The following ELK4 variants were observed in gnomAD, a reference collection of about 807,000 sequenced individuals.
ELK4 encodes the protein ETS transcription factor ELK4.
In ELK4, 16 loss-of-function variants were observed where a neutral mutation model predicts 29.6. That is an observed-to-expected ratio of 0.54 (90% CI 0.37 to 0.82). The LOEUF is 0.82. Ranked by LOEUF, ELK4 falls within the 40% of genes least tolerant of loss-of-function variation. The pLI, the probability that ELK4 is intolerant of heterozygous loss-of-function variation, is 0.00. For missense variants in ELK4, 465 were observed against 507.1 expected (o/e 0.92, Z 0.80); for synonymous variants, 213 against 191.1 (o/e 1.11, Z -0.95).
In ELK4 at chr1:205,613,080, A is replaced by G. The variant is rs1670177047; in HGVS notation, c.*3466T>C. 4.9e-6 allele frequency: 1 copy of G among 202,688 alleles called. No homozygotes were observed. The highest frequency in any genetic ancestry group is 2.3e-5 in the African/African-American group (1 of 43,670). The allele number at this position is 202,688 out of a possible 1,614,324, so 12.6% of individuals were successfully genotyped here. A position where few individuals can be genotyped will look rare whatever the true frequency, so the allele number is the denominator to read the frequency against. On this transcript the variant is annotated 3_prime_UTR_variant, in exon 5 of 5. Transcript: ENST00000357992. ...ATTGTTTGTGCATACATTTAAAAAA[A>G]AAAAAATCAATGGAAATTTCCACCT...
Position 205,620,522 on chromosome 1 carries a change from A to T in ELK4, c.524T>A (p.Leu175Gln). ...LIKTENPAEKLAEKKSPQEPT... is the reference protein window; with the variant it reads ...LIKTENPAEKQAEKKSPQEPT... ...CTCCTGAGGAGATTTTTTCTCTGCC[A>T]GTTTCTCGGCTGGATTCTCAGTCTT... Residue 175 changes from leucine to glutamine, a missense_variant, in exon 3 of 5, where the codon CTG (leucine) becomes CAG (glutamine). By Grantham distance (113) the Leu-to-Gln change is moderately radical. Transcript: ENST00000357992. 6.2e-7 allele frequency: 1 copy of T among 1,614,154 alleles called. No homozygotes were observed. The highest frequency in any genetic ancestry group is 8.5e-7 in the Non-Finnish European group (1 of 1,180,028).
At chr1:205,630,602 G>C (rs948835624) in intron 1 of ELK4, among the ~76,000 whole-genome samples, 1 of 152,064 alleles carries the variant, frequency 6.6e-6, no homozygotes, top group African/African-American at 2.4e-5. Flanking sequence ...AACTACACAG[G>C]CTCCTAAAAA....
chr1:205,609,556 G>A lies in ELK4; in HGVS notation c.*6990C>T, dbSNP rs1670123607. ...AATTTCACTAATACTGAACAGGGAAGTTCATAAAAATGCTACTCTACCACT... is the reference window on the plus strand; with the variant it reads ...AATTTCACTAATACTGAACAGGGAAATTCATAAAAATGCTACTCTACCACT... On this transcript the variant is annotated 3_prime_UTR_variant, in exon 5 of 5. Transcript: ENST00000357992. The A allele has an allele frequency of 1.5e-5, 3 of 196,034 alleles. No homozygotes were observed. Among genetic ancestry groups the A allele is most frequent in the East Asian group, 8.0e-5 (1 of 12,456 alleles). 12.1% of individuals were successfully genotyped at this position (196,034 alleles called of 1,614,324 possible).
chr1:205,626,130 G>T lies in ELK4; in HGVS notation c.-9-2239C>A. 4.0e-6 allele frequency: 3 copies of T among 747,598 alleles called. No homozygotes were observed. The South Asian group carries it at 4.0e-5, about 10-fold the overall frequency. 46.3% of individuals were successfully genotyped at this position (747,598 alleles called of 1,614,324 possible). On this transcript the variant is annotated intron_variant, in intron 1 of 4. Coordinates refer to ENST00000357992, the MANE Select transcript of ELK4 (RefSeq NM_001973.4). ...CTTCTTTCTCTACGTTGCCTACAGT[G>T]ACCAAAGTGTCTACAGTCTGTGATG...
intron 4 of ELK4, among the ~76,000 whole-genome samples, chr1:205,618,549 C>A (rs1040774316): frequency 1.3e-5 from 2 of 152,156 alleles, no homozygotes; most frequent in African/African-American, 4.8e-5. Flanking sequence ...TTGGGCAGGG[C>A]ACAATGGCTC....
rs1670221626 is a variant in ELK4, at chr1:205,615,699, G to A, written c.*847C>T. 1 of 208,834 alleles carries A rather than the reference G, an allele frequency of 4.8e-6. No individual in the cohort carries two copies. Among genetic ancestry groups the A allele is most frequent in the Non-Finnish European group, 9.7e-6 (1 of 102,696 alleles). 12.9% of individuals were successfully genotyped at this position (208,834 alleles called of 1,614,324 possible). On this transcript the variant is annotated 3_prime_UTR_variant, in exon 5 of 5. Transcript: ENST00000357992. The stretch of plus-strand genomic sequence containing the variant: ...AAAATCCAAGTTCATCCTCCTAAAA[G>A]TGATCATTTCCCATGCTGTATTCCA...
chr1:205,630,491 G>A (rs1437186345), intron 1 of ELK4, among the ~76,000 whole-genome samples: 1 of 152,142 alleles, frequency 6.6e-6, no homozygotes, highest in Non-Finnish European at 1.5e-5. Context: ...ATTTTCTTCA[G>A]CCTGCTACTT....
At chr1:205,620,889 C>T (rs779605196) in intron 2 of ELK4, 51 bp from the exon 3 acceptor site, 2 of 1,515,148 alleles carry the variant, frequency 1.3e-6, no homozygotes, top group South Asian at 2.6e-5. Flanking sequence ...AACTTATATC[C>T]CATAGTTCAT....
In ELK4 at chr1:205,626,627, T is replaced by A. The variant is rs1670469885; in HGVS notation, c.-9-2736A>T. ...TAGGGAACTAAAAATCAAAACCATC[T>A]GAGAAACCACTTCATGCCTACTTGG... On this transcript the variant is annotated intron_variant, in intron 1 of 4. Transcript: ENST00000357992. 8.5e-5 allele frequency among the ~76,000 whole-genome samples: 13 copies of A among 152,206 alleles called. No individual in the cohort carries two copies. The South Asian group carries it at 2.3e-3, about 27-fold the overall frequency.
intron 3 of ELK4, 97 bp downstream of exon 3, chr1:205,619,869 G>C: frequency 6.2e-7 from 1 of 1,613,602 alleles, no homozygotes; most frequent in Non-Finnish European, 8.5e-7. Context: ...ACAAACCTAA[G>C]TAACAGAAAG....
chr1:205,613,208 T>C lies in ELK4; in HGVS notation c.*3338A>G, dbSNP rs923777171. ...TTACTAAGCCAGGTGTGGTGGTGCA[T>C]GCCTGTAGCCCAGCTATGCAGGAGG... On this transcript the variant is annotated 3_prime_UTR_variant, in exon 5 of 5. Coordinates refer to ENST00000357992, the MANE Select transcript of ELK4 (RefSeq NM_001973.4). 1.5e-5 allele frequency: 3 copies of C among 198,666 alleles called. No homozygotes were observed. Among genetic ancestry groups the C allele is most frequent in the African/African-American group, 4.6e-5 (2 of 43,332 alleles). The allele number at this position is 198,666 out of a possible 1,614,324, so 12.3% of individuals were successfully genotyped here.
chr1:205,622,970 T>C (rs2102381191), intron 2 of ELK4, among the ~76,000 whole-genome samples: 1 of 151,882 alleles, frequency 6.6e-6, no homozygotes. Context: ...AAACCCCACC[T>C]CTACTAAAAA....
chr1:205,619,493 G>A (rs571821173), intron 3 of ELK4: 2 of 1,080,768 alleles, frequency 1.9e-6, no homozygotes, highest in South Asian at 8.7e-5. Context: ...TAATAATGAG[G>A]TGTGTGAAAA....
rs745441374 is a variant in ELK4 at position 205,610,033 on chromosome 1, A to G, written c.*6513T>C. ...AGTGCTTCCAGTTATTAAAAATGAA[A>G]CAGTGCTAATATTGGTGCCCAAGAA... On this transcript the variant is annotated 3_prime_UTR_variant, in exon 5 of 5. Coordinates refer to ENST00000357992, the MANE Select transcript of ELK4 (RefSeq NM_001973.4). 4 of 231,444 alleles carry G rather than the reference A, an allele frequency of 1.7e-5. No homozygotes were observed. The highest frequency in any genetic ancestry group is 3.4e-5 in the Non-Finnish European group (4 of 116,972). The allele number at this position is 231,444 out of a possible 1,614,324, so 14.3% of individuals were successfully genotyped here.
chr1:205,624,012 T>C (rs1304210293), intron 1 of ELK4, 121 bp from the exon 2 acceptor site: 6 of 868,784 alleles, frequency 6.9e-6, no homozygotes, highest in Non-Finnish European at 8.8e-6. Context: ...TTCTATAAGG[T>C]AGATACTACT....
intron 1 of ELK4, among the ~76,000 whole-genome samples, chr1:205,624,288 C>A (rs539600600): frequency 9.9e-5 from 15 of 152,164 alleles, no homozygotes; most frequent in Non-Finnish European, 5.9e-5. Context: ...AAATTTGAAT[C>A]CTAAAATCTC....
chr1:205,617,618 T>C lies in ELK4; in HGVS notation c.1198-974A>G, dbSNP rs1029105087. The stretch of plus-strand genomic sequence containing the variant: ...TCTCTATTAAAAAAAAAAAAATGCT[T>C]GGGCCGCGTGCAGTGGCTCATGCCT... On this transcript the variant is annotated intron_variant, in intron 4 of 4. Transcript: ENST00000357992. 4.6e-5 allele frequency among the ~76,000 whole-genome samples: 7 copies of C among 151,268 alleles called. No individual in the cohort carries two copies. In the East Asian group the frequency reaches 9.7e-4, roughly 21 times the overall value.
At chr1:205,628,794 T>A (rs1188422663) in intron 1 of ELK4, among the ~76,000 whole-genome samples, 1 of 151,632 alleles carries the variant, frequency 6.6e-6, no homozygotes, top group Non-Finnish European at 1.5e-5. Context: ...TGCTTTAAGG[T>A]AGAACCGAGC....
intron 2 of ELK4, among the ~76,000 whole-genome samples, chr1:205,622,975 TA>T (rs926237139): frequency 1.3e-5 from 2 of 151,556 alleles, no homozygotes; most frequent in Non-Finnish European, 2.9e-5. Flanking sequence ...CCACCTCTAC[TA>T]AAAAAATAAA....
Sources: allele counts gnomAD v4.1 joint callset (sites outside exome capture counted in the v4.1 genomes callset), GRCh38; gene constraint gnomAD v4.1.1; transcripts MANE v1.5; gene names NCBI Gene and HGNC (gene_info 2026-07-23, HGNC 2026-07-21).